CDH12: variants seen among roughly 807,000 people sequenced by gnomAD.
CDH12 encodes the protein cadherin 12, also known as cadherin-12.
Under a neutral mutation model 74.1 loss-of-function variants are expected in CDH12, and 41 were observed. The observed-to-expected ratio is 0.55, with a 90% confidence interval of 0.43 to 0.72. CDH12 has a LOEUF of 0.72. Among genes scored for constraint, CDH12 ranks in the 30% least tolerant of loss-of-function variants. The probability of loss-of-function intolerance (pLI) is 0.00; values close to 1 mark genes in which losing one functional copy is unlikely to be tolerated. For missense variants in CDH12, 945 were observed against 977.2 expected (o/e 0.97, Z 0.44); for synonymous variants, 399 against 355.0 (o/e 1.12, Z -1.39).
At chr5:22,829,503 G>A (rs1368006239) in intron 1 of CDH12, among the ~76,000 whole-genome samples, 11 of 152,070 alleles carry the variant, frequency 7.2e-5, no homozygotes, top group Non-Finnish European at 1.3e-4. Flanking sequence ...TTACACAATC[G>A]CAGTCTTGTC....
chr5:21,981,812 GCA>G (rs199830271), intron 5 of CDH12, among the ~76,000 whole-genome samples: 2,423 of 152,170 alleles, frequency 0.016, 64 homozygotes, highest in African/African-American at 0.056. Flanking sequence ...GGGATTACAG[GCA>G]CAGACTACCA....
intron 1 of CDH12, among the ~76,000 whole-genome samples, chr5:22,799,909 A>G (rs2126413189): frequency 6.6e-6 from 1 of 152,278 alleles, no homozygotes; most frequent in East Asian, 1.9e-4. Flanking sequence ...AAACTAGAAG[A>G]TTGCCTCATA....
intron 1 of CDH12, among the ~76,000 whole-genome samples, chr5:22,778,221 T>A (rs926186027): frequency 1.3e-5 from 2 of 152,262 alleles, no homozygotes; most frequent in African/African-American, 4.8e-5. Flanking sequence ...TTGTTGATGA[T>A]GATTAATGTA....
chr5:22,743,717 A>G (rs1444118382), intron 1 of CDH12, among the ~76,000 whole-genome samples: 5 of 152,200 alleles, frequency 3.3e-5, no homozygotes, highest in Non-Finnish European at 7.3e-5. Context: ...AGACAGAAAG[A>G]CATTTTTAAA....
intron 3 of CDH12, among the ~76,000 whole-genome samples, chr5:22,344,881 T>C (rs1740042972): frequency 6.6e-6 from 1 of 152,144 alleles, no homozygotes. Flanking sequence ...TGTCTGTGAG[T>C]ATCACCCAAA....
chr5:21,833,002 TTA>T (rs1214858765), intron 8 of CDH12, among the ~76,000 whole-genome samples: 1 of 66,392 alleles, frequency 1.5e-5, no homozygotes, highest in Non-Finnish European at 2.5e-5. Context: ...TATTAATATA[TTA>T]TATATAATAT....
rs1554025828 is a variant in CDH12, at chr5:21,751,609, A to AAAGAGT, written c.*127_*128insACTCTT. Reference sequence around the variant, plus strand: ...GGTAATCAAAGGAATCTTGTCCCAGAGTGTGTGTGTGTGTGTGTGTGTTTG... The same window carrying AAAGAGT: ...GGTAATCAAAGGAATCTTGTCCCAGAAAGAGTGTGTGTGTGTGTGTGTGTGTGTTTG... On this transcript the variant is annotated 3_prime_UTR_variant, in exon 15 of 15. Coordinates refer to ENST00000382254, the MANE Select transcript of CDH12 (RefSeq NM_004061.5). 15,304 of 553,004 alleles carry AAAGAGT rather than the reference A, an allele frequency of 0.028. 692 individuals carry two copies. The highest frequency in any genetic ancestry group is 0.23 in the African/African-American group (9,186 of 39,638). 34.3% of individuals were successfully genotyped at this position (553,004 alleles called of 1,614,324 possible).
chr5:22,313,079 C>T (rs894659713), intron 3 of CDH12, among the ~76,000 whole-genome samples: 1 of 152,162 alleles, frequency 6.6e-6, no homozygotes, highest in Non-Finnish European at 1.5e-5. Flanking sequence ...CAGTAGCATT[C>T]ACTTCTCAGG....
At position 22,780,747 on chromosome 5, in the gene CDH12, C is replaced by T. The variant is rs1220390550; in HGVS notation, c.-523+72311G>A. ...CTATAATCACACCACTACACTCTGG[C>T]GTAGGTGACAGAATGAGACCCTGTT... On this transcript the variant is annotated intron_variant, in intron 1 of 14. Coordinates refer to ENST00000382254, the MANE Select transcript of CDH12 (RefSeq NM_004061.5). Among the ~76,000 whole-genome samples, 6 of 151,930 alleles carry T rather than the reference C, an allele frequency of 3.9e-5. No individual in the cohort carries two copies. The East Asian group carries it at 7.7e-4, about 20-fold the overall frequency.
chr5:22,312,522 T>C (rs1372098166), intron 3 of CDH12, among the ~76,000 whole-genome samples: 1 of 152,206 alleles, frequency 6.6e-6, no homozygotes, highest in Non-Finnish European at 1.5e-5. Flanking sequence ...TTTCAAAAGA[T>C]ATTTTGTGAT....
intron 4 of CDH12, among the ~76,000 whole-genome samples, chr5:22,172,178 T>C (rs1230840235): frequency 2.0e-5 from 3 of 151,922 alleles, no homozygotes; most frequent in African/African-American, 4.8e-5. Context: ...GGGCTGTAAA[T>C]AAAGTGCTAG....
intron 9 of CDH12, among the ~76,000 whole-genome samples, chr5:21,807,692 A>G (rs1019850307): frequency 4.6e-5 from 7 of 152,112 alleles, no homozygotes; most frequent in African/African-American, 1.7e-4. Flanking sequence ...TGAAAAAATG[A>G]TAGCTTCAGC....
chr5:22,566,906 T>C (rs1445990079), intron 1 of CDH12, among the ~76,000 whole-genome samples: 1 of 152,196 alleles, frequency 6.6e-6, no homozygotes, highest in African/African-American at 2.4e-5. Flanking sequence ...CTGTACATTC[T>C]ATAGAGATTT....
In CDH12 at chr5:22,801,682, TATAC is replaced by T. The variant is rs1338506608; in HGVS notation, c.-523+51372_-523+51375del. On this transcript the variant is annotated intron_variant, in intron 1 of 14. Coordinates refer to ENST00000382254, the MANE Select transcript of CDH12 (RefSeq NM_004061.5). ...ATATATATATATATATATATATATA[TATAC>T]ACTTTGTTTAATAGGGAGAACACAT... Among the ~76,000 whole-genome samples the T allele has an allele frequency of 1.3e-3, 116 of 87,154 alleles. 4 individuals are homozygous for T. Among genetic ancestry groups the T allele is most frequent in the African/African-American group, 6.1e-3 (94 of 15,302 alleles). 57.2% of individuals were successfully genotyped at this position (87,154 alleles called of 152,430 possible).
intron 1 of CDH12, among the ~76,000 whole-genome samples, chr5:22,698,083 G>A (rs928199432): frequency 7.7e-5 from 11 of 143,458 alleles, no homozygotes; most frequent in Non-Finnish European, 3.0e-5. Context: ...AGACTATTCA[G>A]ATAGGTTACA....
At chr5:22,745,105 C>T (rs1038108967) in intron 1 of CDH12, among the ~76,000 whole-genome samples, 6 of 151,766 alleles carry the variant, frequency 4.0e-5, no homozygotes, top group Admixed American at 3.3e-4. Flanking sequence ...AGTTATACCA[C>T]AATGAAACAT....
intron 1 of CDH12, among the ~76,000 whole-genome samples, chr5:22,646,132 G>A (rs941462028): frequency 1.8e-4 from 28 of 151,806 alleles, no homozygotes; most frequent in African/African-American, 6.5e-4. Context: ...GACACATTTT[G>A]GGACAAAGTC....
In CDH12 at chr5:21,832,809, TATA is replaced by T. The variant is rs1272681364; in HGVS notation, c.814+9349_814+9351del. ...ATATCATATAATATATATATTATCA[TATA>T]ATATATGATATATATTATAATAATA... is the stretch of plus-strand genomic sequence containing the variant. On this transcript the variant is annotated intron_variant, in intron 8 of 14. Transcript: ENST00000382254. 1.1e-4 allele frequency among the ~76,000 whole-genome samples: 5 copies of T among 47,152 alleles called. No individual in the cohort carries two copies. The African/African-American group carries it at 2.5e-3, about 23-fold the overall frequency. 30.9% of individuals were successfully genotyped at this position (47,152 alleles called of 152,430 possible).
At chr5:22,757,935 G>A (rs1746015127) in intron 1 of CDH12, among the ~76,000 whole-genome samples, 1 of 152,208 alleles carries the variant, frequency 6.6e-6, no homozygotes, top group African/African-American at 2.4e-5. Context: ...ACATCATGAA[G>A]TGGGGAGGGG....
Sources: gnomAD v4.1 joint callset for allele counts (sites outside exome capture counted in the v4.1 genomes callset) on GRCh38, gnomAD v4.1.1 for gene constraint, MANE v1.5 for transcripts, NCBI Gene and HGNC (gene_info 2026-07-23, HGNC 2026-07-21) for gene names.